The following PAX6 variants were observed in gnomAD, a reference collection of about 807,000 sequenced individuals.
PAX6 encodes paired box 6, also known as paired box protein Pax-6.
PAX6 carries 7 observed loss-of-function variants against 60.7 expected under a neutral mutation model. The ratio of observed to expected loss-of-function variants is 0.12; its 90% CI spans 0.07 to 0.22. PAX6 has a LOEUF of 0.22. PAX6 is among the 10% of genes least tolerant of loss of function. The pLI, the probability that PAX6 is intolerant of heterozygous loss-of-function variation, is 1.00. For missense variants in PAX6, 355 were observed against 555.2 expected (o/e 0.64, Z 3.62); for synonymous variants, 208 against 201.2 (o/e 1.03, Z -0.29).
Position 31,806,457 on chromosome 11 carries a change from G to T in PAX6, c.-46C>A. On this transcript the variant is annotated 5_prime_UTR_variant, in exon 4 of 14. Coordinates refer to ENST00000640368, the MANE Select transcript of PAX6 (RefSeq NM_001368894.2). The stretch of plus-strand genomic sequence containing the variant: ...GCGGGATTCCACGGGGCTCGAATAT[G>T]GGGCTCTGTTAGCAAGAAAATAGGA... 1 of 1,600,152 alleles carries T rather than the reference G, an allele frequency of 6.2e-7. No individual in the cohort carries two copies. Among genetic ancestry groups the T allele is most frequent in the Non-Finnish European group, 8.5e-7 (1 of 1,173,302 alleles).
intron 13 of PAX6, chr11:31,790,349 G>T: frequency 2.4e-6 from 2 of 848,018 alleles, no homozygotes; most frequent in Non-Finnish European, 3.2e-6. Context: ...TTTATTTCCA[G>T]CAAAAGGTCT....
upstream of PAX6, among the ~76,000 whole-genome samples, chr11:31,815,627 G>A (rs1488205252): frequency 6.6e-6 from 1 of 152,136 alleles, no homozygotes; most frequent in Non-Finnish European, 1.5e-5. Context: ...ATTAGGACAA[G>A]CTGTTCCCAA....
upstream of PAX6, chr11:31,812,300 CTCTGTG>C (rs1433302580): frequency 1.2e-3 from 133 of 110,182 alleles, no homozygotes; most frequent in Middle Eastern, 9.5e-3. Context: ...CTCTCTCTCT[CTCTGTG>C]TGTGTGTGTG....
Position 31,801,762 on chromosome 11 carries a change from A to G in PAX6, c.198T>C (p.Cys66=), listed in dbSNP as rs1283307441. The part of the protein sequence containing the change: ...VLDNQNVSNG[C]VSKILGRYYE... ...AATACCTGCCCAGAATTTTACTCACACATCCGTTGGACACCTGCATAGGGG... is the reference window on the plus strand; with the variant it reads ...AATACCTGCCCAGAATTTTACTCACGCATCCGTTGGACACCTGCATAGGGG... Residue 66 remains cysteine, a synonymous_variant, in exon 7 of 14, where the codon TGT becomes TGC. Transcript: ENST00000640368. 1.3e-5 allele frequency: 21 copies of G among 1,614,028 alleles called. No individual in the cohort carries two copies. The highest frequency in any genetic ancestry group is 1.7e-5 in the Non-Finnish European group (20 of 1,180,018).
At chr11:31,795,162 T>A (rs1592441411) in intron 8 of PAX6, among the ~76,000 whole-genome samples, 1 of 152,352 alleles carries the variant, frequency 6.6e-6, no homozygotes, top group East Asian at 1.9e-4. Flanking sequence ...AGAAGAGTGA[T>A]GTTCAAGATT....
chr11:31,797,661 G>A (rs897059341), intron 8 of PAX6, among the ~76,000 whole-genome samples: 1 of 152,182 alleles, frequency 6.6e-6, no homozygotes, highest in African/African-American at 2.4e-5. Flanking sequence ...GCAGCCAGGC[G>A]GTGACCTAGC....
intron 8 of PAX6, among the ~76,000 whole-genome samples, chr11:31,796,456 A>T (rs904920263): frequency 7.3e-5 from 7 of 96,004 alleles, no homozygotes; most frequent in Non-Finnish European, 8.1e-5. Context: ...CGTGCTATTT[A>T]GGGCGCTTGG....
chr11:31,795,725 G>T (rs1397053475), intron 8 of PAX6, among the ~76,000 whole-genome samples: 2 of 152,246 alleles, frequency 1.3e-5, no homozygotes, highest in African/African-American at 4.8e-5. Flanking sequence ...TTCCCTTGCT[G>T]CCTGGAGGGC....
intron 2 of PAX6, among the ~76,000 whole-genome samples, chr11:31,809,039 C>G (rs756283117): frequency 7.2e-5 from 11 of 152,216 alleles, no homozygotes; most frequent in Non-Finnish European, 1.5e-4. Flanking sequence ...CAACACAAGC[C>G]TCAGTTTTCA....
At chr11:31,807,879 C>T (rs1202883411) in intron 2 of PAX6, 3 of 151,850 alleles carry the variant, frequency 2.0e-5, no homozygotes, top group Non-Finnish European at 2.9e-5. Context: ...AGGCTGCTCC[C>T]GTACGAACAC....
chr11:31,802,883 G>C (rs764457166), intron 4 of PAX6, 49 bp from the exon 5 acceptor site: 18 of 1,570,264 alleles, frequency 1.1e-5, no homozygotes, highest in Non-Finnish European at 1.4e-5. Flanking sequence ...GAAGAGAGCA[G>C]AGTGAAGAGG....
At chr11:31,801,487 G>A in intron 7 of PAX6, 74 bp downstream of exon 7, 1 of 1,610,166 alleles carries the variant, frequency 6.2e-7, no homozygotes, top group Non-Finnish European at 8.5e-7. Context: ...AGTGGAGAGA[G>A]AGGGTGGGAG....
upstream of PAX6, chr11:31,814,536 G>A (rs1425560331): frequency 6.6e-6 from 1 of 152,264 alleles, no homozygotes; most frequent in Non-Finnish European, 1.5e-5. Flanking sequence ...GCGCTGGAAA[G>A]GGTGAAGACT....
intron 4 of PAX6, chr11:31,805,331 C>T (rs919288122): frequency 5.3e-5 from 8 of 152,330 alleles, no homozygotes; most frequent in African/African-American, 9.6e-5. Context: ...GCAGGTTCTG[C>T]ACAACTACTC....
intron 4 of PAX6, chr11:31,803,938 T>G (rs1320357076): frequency 6.6e-6 from 1 of 152,172 alleles, no homozygotes; most frequent in East Asian, 1.9e-4. Flanking sequence ...TCCACTTCCT[T>G]AAAAATCTCC....
intron 8 of PAX6, among the ~76,000 whole-genome samples, chr11:31,798,415 T>TA (rs11376993): frequency 1 from 152,267 of 152,268 alleles, 76,133 homozygotes; most frequent in Non-Finnish European, 1. Flanking sequence ...GCTTTTGGAG[T>TA]ATGGACTCTT....
chr11:31,790,207 T>C, intron 13 of PAX6, 188 bp from the exon 14 acceptor site: 1 of 602,220 alleles, frequency 1.7e-6, no homozygotes, highest in East Asian at 2.9e-5. Flanking sequence ...AGACAATATA[T>C]GTATATATAC....
In PAX6 at chr11:31,800,873, A is replaced by G. The variant is rs751405095; in HGVS notation, c.400-17T>C. 7.4e-6 allele frequency: 12 copies of G among 1,613,334 alleles called. No homozygotes were observed. The highest frequency in any genetic ancestry group is 9.3e-6 in the Non-Finnish European group (11 of 1,179,608). On this transcript the variant is annotated splice_polypyrimidine_tract_variant and intron_variant, in intron 7 of 13. Transcript: ENST00000640368. ...TGATGACACCTGCAAATCAAACCAA[A>G]ATCAAACCAAATGGTAGTGTCTCCT...
chr11:31,789,662 A>C lies in PAX6; in HGVS notation c.*272T>G, dbSNP rs934715799. On this transcript the variant is annotated 3_prime_UTR_variant, in exon 14 of 14. Coordinates refer to ENST00000640368, the MANE Select transcript of PAX6 (RefSeq NM_001368894.2). ...GTTCTTTTTTTCATTATAACATACA[A>C]ATGCCCATTTACAAATAATACACCA... 10 of 701,978 alleles carry C rather than the reference A, an allele frequency of 1.4e-5. No homozygotes were observed. The East Asian group carries it at 2.4e-4, about 17-fold the overall frequency. 43.5% of individuals were successfully genotyped at this position (701,978 alleles called of 1,614,324 possible). A position where few individuals can be genotyped will look rare whatever the true frequency, so the allele number is the denominator to read the frequency against.
Sources: gnomAD v4.1 joint callset for allele counts (sites outside exome capture counted in the v4.1 genomes callset) on GRCh38, gnomAD v4.1.1 for gene constraint, MANE v1.5 for transcripts, NCBI Gene and HGNC (gene_info 2026-07-23, HGNC 2026-07-21) for gene names.